Variants in KATNIP observed in about 807,000 individuals in gnomAD.
KATNIP encodes katanin interacting protein, also known as katanin-interacting protein.
KATNIP carries 126 observed loss-of-function variants against 174.0 expected under a neutral mutation model. The ratio of observed to expected loss-of-function variants is 0.72; its 90% CI spans 0.63 to 0.84. KATNIP has a LOEUF of 0.84. Ranked by LOEUF, KATNIP falls within the 40% of genes least tolerant of loss-of-function variation. KATNIP has a pLI of 0.00. For missense variants in KATNIP, 1,958 were observed against 2,109.7 expected (o/e 0.93, Z 1.41); for synonymous variants, 810 against 835.7 (o/e 0.97, Z 0.53).
chr16:27,697,109 T>C (rs1490361201), intron 8 of KATNIP, among the ~76,000 whole-genome samples: 3 of 152,224 alleles, frequency 2.0e-5, no homozygotes, highest in Non-Finnish European at 2.9e-5. Flanking sequence ...TAGTGCTAGA[T>C]GAACAGACAT....
intron 1 of KATNIP, among the ~76,000 whole-genome samples, chr16:27,563,891 TAAAA>T (rs58505514): frequency 1.5e-5 from 1 of 66,682 alleles, no homozygotes; most frequent in Non-Finnish European, 2.5e-5. Context: ...TCTAGTAAAT[TAAAA>T]AAAAAAAAAA....
chr16:27,763,832 A>G (rs72780132), intron 19 of KATNIP, among the ~76,000 whole-genome samples: 1,753 of 152,212 alleles, frequency 0.012, 13 homozygotes, highest in Non-Finnish European at 0.018. Flanking sequence ...TTTTTCTTGT[A>G]AATTACCTGT....
At position 27,751,876 on chromosome 16, in the gene KATNIP, G is replaced by C. The variant is rs1277864334; in HGVS notation, c.3504G>C (p.Glu1168Asp). 3 of 1,613,396 alleles carry C rather than the reference G, an allele frequency of 1.9e-6. No homozygotes were observed. Among genetic ancestry groups the C allele is most frequent in the Non-Finnish European group, 1.7e-6 (2 of 1,180,002 alleles). Residue 1168 changes from glutamate (E) to aspartate (D), a missense_variant, in exon 17 of 28, where the codon GAG (glutamate) becomes GAC (aspartate). Coordinates refer to ENST00000261588, the MANE Select transcript of KATNIP (RefSeq NM_015202.5). ...GGAGGCCCAGCACGGCCGACGGCGA[G>C]GGGGATGAGCGGCCCTTCACCCAGG... ...AMRRPSTADG[E>D]GDERPFTQAG...
At chr16:27,703,866 C>T in intron 11 of KATNIP, 30 bp from the exon 12 acceptor site, 1 of 1,521,278 alleles carries the variant, frequency 6.6e-7, no homozygotes. Flanking sequence ...TTTACTACTT[C>T]CTGTTTGCTA....
At chr16:27,749,104 T>C (rs1444743148) in intron 15 of KATNIP, among the ~76,000 whole-genome samples, 1 of 152,226 alleles carries the variant, frequency 6.6e-6, no homozygotes, top group Admixed American at 6.5e-5. Context: ...GGCAGCAGCA[T>C]TGCCCCTGGT....
chr16:27,668,763 T>C (rs1466838566), intron 6 of KATNIP, among the ~76,000 whole-genome samples: 1 of 152,148 alleles, frequency 6.6e-6, no homozygotes, highest in Non-Finnish European at 1.5e-5. Flanking sequence ...CCCAGCACTT[T>C]GGGAGTCTGA....
chr16:27,562,769 A>G (rs944449894), intron 1 of KATNIP, among the ~76,000 whole-genome samples: 9 of 152,252 alleles, frequency 5.9e-5, no homozygotes, highest in Non-Finnish European at 1.0e-4. Flanking sequence ...CGCTGATTAG[A>G]TTACAGAAGT....
At chr16:27,771,522 G>A (rs1210386420) in intron 21 of KATNIP, 66 bp from the exon 22 acceptor site, 21 of 1,477,386 alleles carry the variant, frequency 1.4e-5, no homozygotes, top group African/African-American at 4.1e-5. Context: ...GTTACCTAGG[G>A]GGTAACTGGC....
chr16:27,766,989 G>C (rs2082147134), intron 20 of KATNIP, among the ~76,000 whole-genome samples: 1 of 152,180 alleles, frequency 6.6e-6, no homozygotes, highest in African/African-American at 2.4e-5. Flanking sequence ...ATTTCCGTGT[G>C]ATGTTTTGCT....
At chr16:27,754,150 C>T in intron 17 of KATNIP, 23 bp from the exon 18 acceptor site, 1 of 1,608,610 alleles carries the variant, frequency 6.2e-7, no homozygotes, top group Non-Finnish European at 8.5e-7. Flanking sequence ...CCCTTTTCCT[C>T]TGCTTCTCCA....
At chr16:27,690,831 G>A (rs1001299589) in intron 8 of KATNIP, among the ~76,000 whole-genome samples, 3 of 152,216 alleles carry the variant, frequency 2.0e-5, no homozygotes, top group African/African-American at 7.2e-5. Context: ...TCGAAAGGGG[G>A]CGCCATCACC....
chr16:27,610,304 C>T (rs1453887157), intron 2 of KATNIP, among the ~76,000 whole-genome samples: 5 of 152,228 alleles, frequency 3.3e-5, no homozygotes, highest in Admixed American at 3.3e-4. Flanking sequence ...ATTTTGGATA[C>T]GCAGTAGTTT....
intron 6 of KATNIP, among the ~76,000 whole-genome samples, chr16:27,663,575 A>G (rs2077591989): frequency 6.6e-6 from 1 of 151,316 alleles, no homozygotes; most frequent in South Asian, 2.1e-4. Context: ...CACCCCGCCA[A>G]GTAGCTGGGA....
rs543847879 is a variant in KATNIP at position 27,722,127 on chromosome 16, A to C, written c.1743+432A>C. ...CATCTGCGGGATCTTGCTAAAATGCAGGTTCTAATTCAGCAGGTCTGGAGC... is the reference window on the plus strand; with the variant it reads ...CATCTGCGGGATCTTGCTAAAATGCCGGTTCTAATTCAGCAGGTCTGGAGC... On this transcript the variant is annotated intron_variant, in intron 14 of 27. Transcript: ENST00000261588. Among the ~76,000 whole-genome samples the C allele has an allele frequency of 5.9e-5, 9 of 152,308 alleles. No homozygotes were observed. In the South Asian group the frequency reaches 1.9e-3, roughly 32 times the overall value.
Position 27,677,781 on chromosome 16 carries a change from A to G in KATNIP, c.593A>G (p.Asp198Gly). Reference protein sequence around the residue: ...LSVNLQRKQKDCSSDEYDSIE... With the variant: ...LSVNLQRKQKGCSSDEYDSIE... Reference sequence around the variant, plus strand: ...GTAAATCTACAAAGGAAACAAAAGGATTGTTCCAGCGATGAGTATGACTCT... The same window carrying G: ...GTAAATCTACAAAGGAAACAAAAGGGTTGTTCCAGCGATGAGTATGACTCT... The change falls in exon 7 of 28, where the codon GAT becomes GGT. Residue 198 changes from aspartate to glycine, a missense_variant. Physicochemically the swap from Asp to Gly is moderately conservative, Grantham distance 94 (BLOSUM62 -1). Coordinates refer to ENST00000261588, the MANE Select transcript of KATNIP (RefSeq NM_015202.5). The G allele has an allele frequency of 6.2e-7, 1 of 1,614,076 alleles. No homozygotes were observed. Among genetic ancestry groups the G allele is most frequent in the East Asian group, 2.2e-5 (1 of 44,870 alleles).
At chr16:27,579,694 G>A (rs2090622657) in intron 2 of KATNIP, among the ~76,000 whole-genome samples, 1 of 152,052 alleles carries the variant, frequency 6.6e-6, no homozygotes, top group African/African-American at 2.4e-5. Context: ...CACTCTGAGA[G>A]CCTCCCATGA....
intron 18 of KATNIP, among the ~76,000 whole-genome samples, chr16:27,757,828 G>T (rs2081796078): frequency 1.3e-5 from 2 of 152,294 alleles, no homozygotes; most frequent in South Asian, 4.1e-4. Flanking sequence ...GGGGGAATGT[G>T]TCGGGGTTGG....
At chr16:27,558,804 C>A (rs2089733594) in intron 1 of KATNIP, among the ~76,000 whole-genome samples, 1 of 150,942 alleles carries the variant, frequency 6.6e-6, no homozygotes. Flanking sequence ...TGATTTGATT[C>A]CTGAGACAGC....
intron 2 of KATNIP, among the ~76,000 whole-genome samples, chr16:27,582,181 C>T (rs2090725003): frequency 2.0e-5 from 3 of 152,198 alleles, no homozygotes; most frequent in Admixed American, 1.3e-4. Context: ...ATACTTCCTT[C>T]CCTTTTCTCC....
Sources: allele counts gnomAD v4.1 joint callset (sites outside exome capture counted in the v4.1 genomes callset), GRCh38; gene constraint gnomAD v4.1.1; transcripts MANE v1.5; gene names NCBI Gene and HGNC (gene_info 2026-07-23, HGNC 2026-07-21).